The following INPP5D variants were observed in gnomAD, a reference collection of about 807,000 sequenced individuals.
INPP5D encodes the protein inositol polyphosphate-5-phosphatase D, also known as phosphatidylinositol 3,4,5-trisphosphate 5-phosphatase 1.
In INPP5D, 33 loss-of-function variants were observed where a neutral mutation model predicts 122.9. That is an observed-to-expected ratio of 0.27 (90% CI 0.20 to 0.36). The LOEUF (loss-of-function observed/expected upper bound fraction) is 0.36, where lower values mean the gene tolerates loss of function less well. INPP5D is among the 10% of genes least tolerant of loss of function. The pLI is 1.00. For synonymous variants in INPP5D, 584 were observed against 576.2 expected, an observed-to-expected ratio of 1.01 and a Z score of -0.19; for missense variants, 1,053 against 1,412.7, an observed-to-expected ratio of 0.75 and a Z score of 4.08.
At chr2:233,131,611 A>T (rs1332222834) in intron 5 of INPP5D, among the ~76,000 whole-genome samples, 2 of 151,962 alleles carry the variant, frequency 1.3e-5, no homozygotes, top group Non-Finnish European at 1.5e-5. Flanking sequence ...GAGGCAGGAG[A>T]ATCACTTGAA....
At chr2:233,192,493 A>G (rs998066450) in intron 22 of INPP5D, among the ~76,000 whole-genome samples, 2 of 152,170 alleles carry the variant, frequency 1.3e-5, no homozygotes, top group African/African-American at 4.8e-5. Flanking sequence ...ACATCATTTT[A>G]TACTCTGCTT....
intron 9 of INPP5D, among the ~76,000 whole-genome samples, chr2:233,155,003 C>T (rs777522737): frequency 5.9e-5 from 9 of 152,082 alleles, no homozygotes; most frequent in South Asian, 2.1e-4. Context: ...GGATTACAGG[C>T]GTGAGCCACT....
At chr2:233,080,238 AT>A (rs1441865037) in intron 2 of INPP5D, among the ~76,000 whole-genome samples, 11 of 152,154 alleles carry the variant, frequency 7.2e-5, no homozygotes, top group Admixed American at 5.9e-4. Context: ...CTGCAGTTAA[AT>A]TTAAAAACAA....
Position 233,169,337 on chromosome 2 carries a change from T to C in INPP5D, c.1588T>C (p.Phe530Leu). 6.2e-7 allele frequency: 1 copy of C among 1,606,878 alleles called. No individual in the cohort carries two copies. The highest frequency in any genetic ancestry group is 8.5e-7 in the Non-Finnish European group (1 of 1,176,600). The change falls in exon 14 of 27, where the codon TTC (phenylalanine) becomes CTC (leucine). Residue 530 changes from phenylalanine (F) to leucine (L), a missense_variant. Transcript: ENST00000445964. Reference sequence around the variant, plus strand: ...GGGAGCCGTGGGGGTGTCGTTCATGTTCAATGGAACCTCCTTAGGGTTCGT... The same window carrying C: ...GGGAGCCGTGGGGGTGTCGTTCATGCTCAATGGAACCTCCTTAGGGTTCGT... ...NKGAVGVSFM[F>L]NGTSLGFVNS... is the part of the protein sequence containing the mutation.
rs1483211470 is a variant in INPP5D at position 233,078,032 on chromosome 2, C to T, written c.135-1303C>T. ...GGCTCTACGGGCCAGGTGAGCCTTC[C>T]GGGCTCAGGAGAATCTTAAGTAGCA... is the stretch of plus-strand genomic sequence containing the variant. On this transcript the variant is annotated intron_variant, in intron 1 of 26. Coordinates refer to ENST00000445964, the MANE Select transcript of INPP5D (RefSeq NM_001017915.3). The surrounding 1 kb of genome is among the most constrained non-coding windows in gnomAD (Gnocchi z 4.6). 2.6e-5 allele frequency among the ~76,000 whole-genome samples: 4 copies of T among 152,116 alleles called. No homozygotes were observed. Among genetic ancestry groups the T allele is most frequent in the South Asian group, 2.1e-4 (1 of 4,826 alleles).
intron 12 of INPP5D, 87 bp downstream of exon 12, chr2:233,163,990 C>T: frequency 6.6e-7 from 1 of 1,504,036 alleles, no homozygotes; most frequent in Non-Finnish European, 8.9e-7. Context: ...TGGGCTCAGC[C>T]TATCAGCTCT....
At position 233,177,536 on chromosome 2, in the gene INPP5D, A is replaced by C. The variant is rs1694670586; in HGVS notation, c.2071+190A>C. On this transcript the variant is annotated intron_variant, in intron 18 of 26. Coordinates refer to ENST00000445964, the MANE Select transcript of INPP5D (RefSeq NM_001017915.3). This position sits in a 1 kb window ranked among gnomAD's most constrained non-coding sequence, Gnocchi z 4.2. ...TGTCTTGTGCTGCCACCTAATCCAT[A>C]TCCCCTGCTTTAGGAGACATTTGAA... 6.6e-6 allele frequency among the ~76,000 whole-genome samples: 1 copy of C among 152,128 alleles called. No homozygotes were observed. Among genetic ancestry groups the C allele is most frequent in the Non-Finnish European group, 1.5e-5 (1 of 68,028 alleles).
chr2:233,122,782 G>A (rs1162976366), intron 3 of INPP5D, among the ~76,000 whole-genome samples: 6 of 152,162 alleles, frequency 3.9e-5, no homozygotes, highest in African/African-American at 1.4e-4. Flanking sequence ...ACTCTAGCCT[G>A]GGTGACAGAA....
chr2:233,134,847 T>C (rs1693423621), intron 5 of INPP5D, among the ~76,000 whole-genome samples: 1 of 152,212 alleles, frequency 6.6e-6, no homozygotes, highest in Non-Finnish European at 1.5e-5. Flanking sequence ...TTATAACTGT[T>C]TCATTGGAGG....
intron 14 of INPP5D, 55 bp downstream of exon 14, chr2:233,169,456 G>T: frequency 2.6e-6 from 4 of 1,551,626 alleles, no homozygotes; most frequent in Non-Finnish European, 3.5e-6. Flanking sequence ...GCCCAGACAC[G>T]CCTCACACCT....
chr2:233,066,865 G>A (rs768638803), intron 1 of INPP5D, among the ~76,000 whole-genome samples: 2 of 151,894 alleles, frequency 1.3e-5, no homozygotes, highest in Admixed American at 6.6e-5. Context: ...TGTAACCTCC[G>A]CTTCCTGAAT....
intron 10 of INPP5D, among the ~76,000 whole-genome samples, chr2:233,159,643 A>G (rs1694148520): frequency 6.8e-6 from 1 of 146,654 alleles, no homozygotes; most frequent in Admixed American, 7.0e-5. Context: ...GCAGTGAGCT[A>G]TGATCACACC....
intron 2 of INPP5D, among the ~76,000 whole-genome samples, chr2:233,099,235 G>A (rs1574724185): frequency 1.3e-5 from 2 of 152,188 alleles, no homozygotes; most frequent in Non-Finnish European, 2.9e-5. Flanking sequence ...ACACGTGTGA[G>A]CCACCGTGCC....
chr2:233,182,898 T>C (rs571138257), intron 19 of INPP5D, among the ~76,000 whole-genome samples: 1 of 152,296 alleles, frequency 6.6e-6, no homozygotes, highest in Admixed American at 6.5e-5. Flanking sequence ...GCAAGCACCA[T>C]TACTTTTCCA....
At position 233,073,550 on chromosome 2, in the gene INPP5D, G is replaced by A. The variant is rs1387788355; in HGVS notation, c.135-5785G>A. 6.3e-5 allele frequency among the ~76,000 whole-genome samples: 9 copies of A among 142,848 alleles called. No homozygotes were observed. In the Admixed American group the frequency reaches 6.9e-4, roughly 11 times the overall value. 93.7% of individuals were successfully genotyped at this position (142,848 alleles called of 152,430 possible). A position where few individuals can be genotyped will look rare whatever the true frequency, so the allele number is the denominator to read the frequency against. On this transcript the variant is annotated intron_variant, in intron 1 of 26. Transcript: ENST00000445964. ...AGCTACTCCGGAGGCTGAGACAGGAGAACAGCTTGAACCTGGGAGGCAGAG... is the reference window on the plus strand; with the variant it reads ...AGCTACTCCGGAGGCTGAGACAGGAAAACAGCTTGAACCTGGGAGGCAGAG...
chr2:233,099,197 C>T (rs1692234919), intron 2 of INPP5D, among the ~76,000 whole-genome samples: 1 of 152,170 alleles, frequency 6.6e-6, no homozygotes, highest in African/African-American at 2.4e-5. Context: ...GTGATTCACC[C>T]ACCTTGGCCT....
intron 13 of INPP5D, 141 bp from the exon 14 acceptor site, chr2:233,169,164 C>A (rs1694422972): frequency 7.8e-7 from 1 of 1,277,904 alleles, no homozygotes; most frequent in Non-Finnish European, 1.1e-6. Flanking sequence ...CAGCGGCTCC[C>A]ACCCTGCACG....
At chr2:233,180,752 T>C (rs1694764007) in intron 18 of INPP5D, among the ~76,000 whole-genome samples, 1 of 151,306 alleles carries the variant, frequency 6.6e-6, no homozygotes, top group Non-Finnish European at 1.5e-5. Flanking sequence ...TTGGCCAGGC[T>C]GATCTCGAAC....
At chr2:233,192,907 G>T (rs7603315) in intron 22 of INPP5D, among the ~76,000 whole-genome samples, 1 of 152,120 alleles carries the variant, frequency 6.6e-6, no homozygotes, top group African/African-American at 2.4e-5. Context: ...GCTGGCATTG[G>T]GTGGTTTTGT....
Sources: gnomAD v4.1 joint callset for allele counts (sites outside exome capture counted in the v4.1 genomes callset) on GRCh38, gnomAD v4.1.1 for gene constraint, Gnocchi (gnomAD v3.1) non-coding constraint, MANE v1.5 for transcripts, NCBI Gene and HGNC (gene_info 2026-07-23, HGNC 2026-07-21) for gene names.